SPAG16: variants seen among roughly 807,000 people sequenced by gnomAD.
SPAG16 encodes sperm-associated antigen 16 protein.
Under a neutral mutation model 80.4 loss-of-function variants are expected in SPAG16, and 86 were observed. That is an observed-to-expected ratio of 1.07 (90% confidence interval 0.90 to 1.28). SPAG16 has a LOEUF of 1.28. Among genes scored for constraint, SPAG16 ranks in the 50% most tolerant of loss-of-function variants. The pLI, the probability that SPAG16 is intolerant of heterozygous loss-of-function variation, is 0.00. For missense variants in SPAG16, 870 were observed against 765.3 expected (o/e 1.14, Z -1.61); for synonymous variants, 294 against 265.9 (o/e 1.11, Z -1.03).
intron 11 of SPAG16, among the ~76,000 whole-genome samples, chr2:213,905,806 C>G (rs1281368458): frequency 6.6e-6 from 1 of 151,938 alleles, no homozygotes; most frequent in East Asian, 1.9e-4. Flanking sequence ...CGATGCCCAC[C>G]CTCCAAGATA....
intron 14 of SPAG16, among the ~76,000 whole-genome samples, chr2:214,126,805 A>G (rs1479176967): frequency 6.6e-6 from 1 of 151,856 alleles, no homozygotes; most frequent in Non-Finnish European, 1.5e-5. Context: ...TGTTAACAAT[A>G]GTAATTAACA....
chr2:213,465,440 GT>G (rs2072626269), intron 9 of SPAG16, among the ~76,000 whole-genome samples: 1 of 152,074 alleles, frequency 6.6e-6, no homozygotes, highest in Non-Finnish European at 1.5e-5. Context: ...CCTCTAAGGG[GT>G]TTTTTTGAGG....
chr2:213,442,711 A>C (rs541385177), intron 9 of SPAG16, among the ~76,000 whole-genome samples: 54 of 152,288 alleles, frequency 3.5e-4, no homozygotes, highest in African/African-American at 1.2e-3. Flanking sequence ...ACAATTGGAC[A>C]CTCGTAAAAA....
chr2:213,550,805 T>C (rs2076756464), intron 10 of SPAG16, among the ~76,000 whole-genome samples: 1 of 152,168 alleles, frequency 6.6e-6, no homozygotes, highest in Non-Finnish European at 1.5e-5. Flanking sequence ...TTGCTGACTT[T>C]AATGGGAATG....
intron 12 of SPAG16, among the ~76,000 whole-genome samples, chr2:213,980,475 GTATA>G (rs1160098287): frequency 1.6e-5 from 1 of 62,066 alleles, no homozygotes; most frequent in East Asian, 5.0e-4. Context: ...ATATATGTGT[GTATA>G]TATATAATAT....
chr2:213,365,357 CTAA>C (rs1402832034), intron 8 of SPAG16: 1 of 152,088 alleles, frequency 6.6e-6, no homozygotes, highest in African/African-American at 2.4e-5. Context: ...ATGGAAAATA[CTAA>C]TAAGTGAACA....
chr2:213,742,503 C>T, intron 10 of SPAG16, among the ~76,000 whole-genome samples: 1 of 151,470 alleles, frequency 6.6e-6, no homozygotes, highest in Non-Finnish European at 1.5e-5. Context: ...ATAAATACCT[C>T]TACAGGTACA....
intron 10 of SPAG16, among the ~76,000 whole-genome samples, chr2:213,590,798 G>T (rs1264811917): frequency 1.3e-5 from 2 of 152,112 alleles, no homozygotes; most frequent in Non-Finnish European, 2.9e-5. Context: ...CCTATTAGTG[G>T]ATATTCAACT....
chr2:214,132,904 C>T (rs112320702), intron 14 of SPAG16, among the ~76,000 whole-genome samples: 50 of 152,064 alleles, frequency 3.3e-4, no homozygotes, highest in African/African-American at 1.1e-3. Flanking sequence ...ACCAGCCTGA[C>T]CAACATGGAG....
At chr2:213,406,130 A>G (rs16850275) in intron 9 of SPAG16, among the ~76,000 whole-genome samples, 11,310 of 152,250 alleles carry the variant, frequency 0.074, 1,388 homozygotes, top group African/African-American at 0.25. Context: ...ACCCTTTTCA[A>G]TAGTTTCCTG....
At chr2:213,415,561 C>CA (rs1366974211) in intron 9 of SPAG16, among the ~76,000 whole-genome samples, 1 of 152,144 alleles carries the variant, frequency 6.6e-6, no homozygotes, top group African/African-American at 2.4e-5. Flanking sequence ...GAAGAATAGA[C>CA]AGATTTGGTA....
chr2:213,479,616 T>C lies in SPAG16; in HGVS notation c.943-10347T>C, dbSNP rs368952069. Among the ~76,000 whole-genome samples the C allele has an allele frequency of 2.4e-4, 36 of 152,278 alleles. 3 individuals carry two copies. In the South Asian group the frequency reaches 7.5e-3, roughly 32 times the overall value. On this transcript the variant is annotated intron_variant, in intron 9 of 15. Coordinates refer to ENST00000331683, the MANE Select transcript of SPAG16 (RefSeq NM_024532.5). ...AAAGCACTATCTGTTAACATTGGGCTTACATTCCTACATCCTCCACCATTT... is the reference window on the plus strand; with the variant it reads ...AAAGCACTATCTGTTAACATTGGGCCTACATTCCTACATCCTCCACCATTT...
chr2:214,110,746 C>G (rs1046897495), intron 14 of SPAG16, among the ~76,000 whole-genome samples: 3 of 152,206 alleles, frequency 2.0e-5, no homozygotes, highest in Non-Finnish European at 4.4e-5. Flanking sequence ...AATTTACACT[C>G]TGACCAACAG....
At chr2:213,903,862 T>A (rs1489820127) in intron 11 of SPAG16, among the ~76,000 whole-genome samples, 2 of 152,176 alleles carry the variant, frequency 1.3e-5, no homozygotes, top group Non-Finnish European at 2.9e-5. Flanking sequence ...CCATATACTC[T>A]AAATCATCTC....
chr2:213,576,750 A>T (rs2060140782), intron 10 of SPAG16, among the ~76,000 whole-genome samples: 1 of 152,170 alleles, frequency 6.6e-6, no homozygotes, highest in African/African-American at 2.4e-5. Context: ...GCTTGTTCTC[A>T]CTTAATGGGA....
At chr2:214,312,171 T>G (rs17767498) in intron 15 of SPAG16, among the ~76,000 whole-genome samples, 20,294 of 152,236 alleles carry the variant, frequency 0.13, 1,408 homozygotes, top group Middle Eastern at 0.26. Context: ...AATCATATCT[T>G]TTAACAGTTA....
At chr2:214,013,369 T>G (rs1399018405) in intron 12 of SPAG16, among the ~76,000 whole-genome samples, 1 of 152,134 alleles carries the variant, frequency 6.6e-6, no homozygotes, top group Non-Finnish European at 1.5e-5. Flanking sequence ...TTCTAGCTGT[T>G]TTGTAATATA....
intron 15 of SPAG16, among the ~76,000 whole-genome samples, chr2:214,251,301 C>T (rs1228353443): frequency 6.6e-6 from 1 of 151,292 alleles, no homozygotes; most frequent in Non-Finnish European, 1.5e-5. Flanking sequence ...CACTGCAAAG[C>T]TATGGAAGAA....
chr2:213,360,844 A>G (rs2065940052), intron 7 of SPAG16, among the ~76,000 whole-genome samples: 2 of 152,220 alleles, frequency 1.3e-5, no homozygotes, highest in African/African-American at 4.8e-5. Context: ...CTTTATTTCA[A>G]CGTTTGATGC....
Sources: gnomAD v4.1 joint callset for allele counts (sites outside exome capture counted in the v4.1 genomes callset) on GRCh38, gnomAD v4.1.1 for gene constraint, MANE v1.5 for transcripts, NCBI Gene and HGNC (gene_info 2026-07-23, HGNC 2026-07-21) for gene names.